FDFT1: variants seen among roughly 807,000 people sequenced by gnomAD.
The protein encoded by FDFT1 is farnesyl-diphosphate farnesyltransferase 1.
Under a neutral mutation model 46.8 loss-of-function variants are expected in FDFT1, and 68 were observed. That is an observed-to-expected ratio of 1.45 (90% confidence interval 1.19 to 1.78). The LOEUF is 1.78. FDFT1 is among the 40% of genes most tolerant of loss of function. The pLI is 0.00. For synonymous variants in FDFT1, 351 were observed against 185.1 expected, an observed-to-expected ratio of 1.90 and a Z score of -7.28; for missense variants, 928 against 524.4, an observed-to-expected ratio of 1.77 and a Z score of -7.52.
Position 11,821,772 on chromosome 8 carries a change from T to A in FDFT1, c.404T>A (p.Leu135Gln). The A allele has an allele frequency of 6.2e-7, 1 of 1,613,576 alleles. No individual in the cohort carries two copies. Among genetic ancestry groups the A allele is most frequent in the Non-Finnish European group, 8.5e-7 (1 of 1,179,614 alleles). Residue 135 changes from leucine to glutamine, a missense_variant, in exon 4 of 8, where the codon CTG (leucine) becomes CAG (glutamine). By Grantham distance (113) the Leu-to-Gln change is moderately radical. Transcript: ENST00000220584. ...CAGATCTCCCTTGAGTTTAGAAATC[T>A]GGCTGAGAAATACCAAACAGTGATT... ...FPTISLEFRN[L>Q]AEKYQTVIAD...
chr8:11,829,150 T>C (rs1008882125), intron 5 of FDFT1, among the ~76,000 whole-genome samples: 2 of 67,540 alleles, frequency 3.0e-5, no homozygotes, highest in Non-Finnish European at 6.6e-5. Context: ...CCAGCACTTG[T>C]TGTTATCTCT....
upstream of FDFT1, among the ~76,000 whole-genome samples, chr8:11,801,095 G>T (rs1806072956): frequency 6.6e-6 from 1 of 152,172 alleles, no homozygotes; most frequent in Non-Finnish European, 1.5e-5. Flanking sequence ...GGTGTGAGCA[G>T]ACTCGAGGGG....
At chr8:11,802,389 G>C (rs768229190), upstream of FDFT1, 1 of 456,188 alleles carries the variant, frequency 2.2e-6, no homozygotes, top group South Asian at 1.6e-5. Context: ...CCACCGTTGG[G>C]CTCCTGCGCA....
At chr8:11,802,563 T>C (rs1806254642), upstream of FDFT1, 1 of 605,596 alleles carries the variant, frequency 1.7e-6, no homozygotes, top group Non-Finnish European at 3.1e-6. Context: ...GCCAGTCTCC[T>C]TCCGCGACTG....
chr8:11,809,498 A>G, intron 2 of FDFT1, 169 bp from the exon 3 acceptor site: 1 of 1,333,140 alleles, frequency 7.5e-7, no homozygotes, highest in Non-Finnish European at 9.6e-7. Flanking sequence ...CATGTAAGGA[A>G]GGAAAACTAA....
chr8:11,813,134 G>C (rs1055652302), intron 3 of FDFT1, among the ~76,000 whole-genome samples: 6 of 152,108 alleles, frequency 3.9e-5, no homozygotes, highest in Non-Finnish European at 7.4e-5. Context: ...CATAGAAAAG[G>C]TATAGTAAAA....
In FDFT1 at chr8:11,808,786, G is replaced by GC; in HGVS notation, c.100-5dup. 6.2e-7 allele frequency: 1 copy of GC among 1,612,582 alleles called. No homozygotes were observed. The highest frequency in any genetic ancestry group is 8.5e-7 in the Non-Finnish European group (1 of 1,179,586). On this transcript the variant is annotated splice_polypyrimidine_tract_variant and splice_region_variant and intron_variant, in intron 1 of 7. Coordinates refer to ENST00000220584, the MANE Select transcript of FDFT1 (RefSeq NM_004462.5). ...TCTCCCACCGCCGTGTGTGTTGTCTGCCCGCAGGACTCGCTCAGCAGCAGC... is the reference window on the plus strand; with the variant it reads ...TCTCCCACCGCCGTGTGTGTTGTCTGCCCCGCAGGACTCGCTCAGCAGCAGC...
chr8:11,829,839 T>TTTTTG (rs1484665434), intron 5 of FDFT1, among the ~76,000 whole-genome samples: 3 of 151,914 alleles, frequency 2.0e-5, no homozygotes, highest in Admixed American at 2.0e-4. Context: ...ATAGTGTTTT[T>TTTTTG]TTTTGTTTTG....
At chr8:11,813,109 A>G (rs1226073168) in intron 3 of FDFT1, among the ~76,000 whole-genome samples, 1 of 152,198 alleles carries the variant, frequency 6.6e-6, no homozygotes, top group Non-Finnish European at 1.5e-5. Flanking sequence ...AGTGGTAAGT[A>G]TTTGTGTATT....
intron 1 of FDFT1, among the ~76,000 whole-genome samples, chr8:11,796,822 C>G (rs1805607668): frequency 6.6e-6 from 1 of 152,210 alleles, no homozygotes. Context: ...TGGCTTTACC[C>G]AGGAAAGAAT....
At chr8:11,826,941 G>A (rs912874525) in intron 5 of FDFT1, among the ~76,000 whole-genome samples, 8 of 152,282 alleles carry the variant, frequency 5.3e-5, no homozygotes, top group African/African-American at 9.6e-5. Flanking sequence ...TTCCCCCAAA[G>A]AAAGAATTCT....
rs1810601541 is a variant in FDFT1, at chr8:11,830,333, C to T, written c.792C>T (p.Thr264=). ...LAVQCLNELI[T]NALHHIPDVI... is the part of the protein sequence containing the mutation. The stretch of plus-strand genomic sequence containing the variant: ...TGCAGTGCCTGAATGAACTTATAAC[C>T]AATGCACTGCACCACATCCCAGATG... Residue 264 remains threonine, a synonymous_variant, in exon 6 of 8, where the codon ACC becomes ACT. Coordinates refer to ENST00000220584, the MANE Select transcript of FDFT1 (RefSeq NM_004462.5). 1 of 1,613,026 alleles carries T rather than the reference C, an allele frequency of 6.2e-7. No individual in the cohort carries two copies. The highest frequency in any genetic ancestry group is 1.1e-5 in the South Asian group (1 of 91,050).
At chr8:11,816,606 A>T (rs748954703) in intron 3 of FDFT1, among the ~76,000 whole-genome samples, 13 of 151,952 alleles carry the variant, frequency 8.6e-5, no homozygotes, top group African/African-American at 1.5e-4. Flanking sequence ...TTGGATTCCT[A>T]GGTGTTGTAT....
At chr8:11,832,225 C>G (rs1292136442) in intron 7 of FDFT1, among the ~76,000 whole-genome samples, 1 of 150,882 alleles carries the variant, frequency 6.6e-6, no homozygotes, top group South Asian at 2.1e-4. Flanking sequence ...AACTTACCTT[C>G]TTAGGTCAAA....
intron 3 of FDFT1, among the ~76,000 whole-genome samples, chr8:11,810,483 G>C (rs1807557009): frequency 6.6e-6 from 1 of 152,174 alleles, no homozygotes; most frequent in Non-Finnish European, 1.5e-5. Context: ...CCGTCTCCTC[G>C]TTTGTAAAGT....
Position 11,828,944 on chromosome 8 carries a change from A to G in FDFT1, c.703-1300A>G, listed in dbSNP as rs571306847. 1.7e-3 allele frequency among the ~76,000 whole-genome samples: 253 copies of G among 152,266 alleles called. 2 individuals carry two copies. The highest frequency in any genetic ancestry group is 5.9e-3 in the African/African-American group (245 of 41,564). On this transcript the variant is annotated intron_variant, in intron 5 of 7. Transcript: ENST00000220584. ...TGGGTTCTTCCCATTTTTTTTGGCT[A>G]TGGTGAATAGTACTGTGTACATTTG...
chr8:11,816,776 CG>C (rs1299397638), intron 3 of FDFT1, among the ~76,000 whole-genome samples: 2 of 152,268 alleles, frequency 1.3e-5, no homozygotes, highest in Admixed American at 1.3e-4. Context: ...AGGGCTGAGA[CG>C]ATGGGGTTTT....
intron 7 of FDFT1, among the ~76,000 whole-genome samples, chr8:11,835,344 C>T (rs867570613): frequency 2.0e-5 from 3 of 152,170 alleles, no homozygotes; most frequent in Non-Finnish European, 4.4e-5. Flanking sequence ...TTTGGCCTTA[C>T]CGGCTCTGTT....
intron 1 of FDFT1, chr8:11,803,199 C>G (rs191089765): frequency 4.8e-5 from 67 of 1,408,334 alleles, no homozygotes; most frequent in Non-Finnish European, 5.8e-5. Flanking sequence ...CCCGTTTCGT[C>G]CCCTCCGTGA....
Sources: gnomAD v4.1 joint callset for allele counts (sites outside exome capture counted in the v4.1 genomes callset) on GRCh38, gnomAD v4.1.1 for gene constraint, MANE v1.5 for transcripts, NCBI Gene and HGNC (gene_info 2026-07-23, HGNC 2026-07-21) for gene names.